Variants in POLQ observed in about 807,000 individuals in gnomAD.
POLQ encodes the protein epididymis secretory sperm binding protein.
POLQ carries 233 observed loss-of-function variants against 259.2 expected under a neutral mutation model. The ratio of observed to expected loss-of-function variants is 0.90; its 90% CI spans 0.81 to 1.00. POLQ has a LOEUF of 1.00. POLQ is among the 50% of genes least tolerant of loss of function. POLQ has a pLI of 0.00. For missense variants in POLQ, 2,871 were observed against 3,051.6 expected, an observed-to-expected ratio of 0.94 and a Z score of 1.39; for synonymous variants, 1,025 against 1,048.8, an observed-to-expected ratio of 0.98 and a Z score of 0.44.
At chr3:121,452,509 A>G (rs1196612238) in intron 25 of POLQ, among the ~76,000 whole-genome samples, 4 of 125,764 alleles carry the variant, frequency 3.2e-5, no homozygotes, top group African/African-American at 1.2e-4. Flanking sequence ...TTTTTTTTTA[A>G]CTCATGTTGC....
intron 12 of POLQ, among the ~76,000 whole-genome samples, chr3:121,499,202 T>C (rs1326378486): frequency 5.3e-5 from 8 of 151,926 alleles, no homozygotes; most frequent in Admixed American, 5.2e-4. Context: ...TCACAAACAA[T>C]GCACTGCCAG....
At chr3:121,450,645 T>C (rs1455638636) in intron 25 of POLQ, among the ~76,000 whole-genome samples, 12 of 152,162 alleles carry the variant, frequency 7.9e-5, no homozygotes, top group Non-Finnish European at 1.3e-4. Flanking sequence ...GTAGGCTTTC[T>C]GCAGAGAGAA....
rs763034025 is a variant in POLQ, at chr3:121,473,461, G to T, written c.6432C>A (p.Pro2144=). 36 of 1,612,560 alleles carry T rather than the reference G, an allele frequency of 2.2e-5. No homozygotes were observed. The highest frequency in any genetic ancestry group is 3.0e-5 in the Non-Finnish European group (35 of 1,179,432). The change falls in exon 21 of 30, where the codon CCC becomes CCA. Residue 2144 remains proline, a synonymous_variant. Coordinates refer to ENST00000264233, the MANE Select transcript of POLQ (RefSeq NM_199420.4). ...AEVLFLELKL[P]PNREMKNQGS... is the part of the protein sequence containing the mutation. The stretch of plus-strand genomic sequence containing the variant: ...CTTGGTTTTTCATCTCTCTATTTGG[G>T]GGCAACTTCAATTCCAAAAATAAAA...
chr3:121,493,207 C>A (rs1023926237), intron 15 of POLQ, among the ~76,000 whole-genome samples: 1 of 151,636 alleles, frequency 6.6e-6, no homozygotes, highest in African/African-American at 2.4e-5. Context: ...GAGGCTGAGG[C>A]AGGAGAATCG....
intron 8 of POLQ, among the ~76,000 whole-genome samples, chr3:121,521,146 A>G (rs577522133): frequency 1.3e-4 from 20 of 152,336 alleles, no homozygotes; most frequent in African/African-American, 4.6e-4. Context: ...AGTCAAAAAT[A>G]TAAAGAGGAA....
intron 14 of POLQ, among the ~76,000 whole-genome samples, chr3:121,495,262 A>T (rs1304332920): frequency 6.6e-6 from 1 of 151,278 alleles, no homozygotes; most frequent in Non-Finnish European, 1.5e-5. Flanking sequence ...CAAGAGAGAA[A>T]CTCCATCTCA....
At position 121,545,840 on chromosome 3, in the gene POLQ, G is replaced by A. The variant is rs770795644; in HGVS notation, c.38C>T (p.Ser13Leu). ...CGAGAACGAATCTGAGCCTGATTCT[G>A]AACGCCGCCGTTTCCCACTCCGACG... ...LLRRSGKRRRSESGSDSFSGS... is the reference protein window; with the variant it reads ...LLRRSGKRRRLESGSDSFSGS... The change falls in exon 1 of 30, where the codon TCA (serine) becomes TTA (leucine). Residue 13 changes from serine to leucine, a missense_variant. Ser to Leu is a moderately radical substitution (Grantham distance 145, BLOSUM62 -2). Coordinates refer to ENST00000264233, the MANE Select transcript of POLQ (RefSeq NM_199420.4). 1.9e-6 allele frequency: 3 copies of A among 1,613,832 alleles called. No homozygotes were observed. The African/African-American group carries it at 4.0e-5, about 22-fold the overall frequency.
At chr3:121,541,536 A>G in intron 2 of POLQ, 57 bp from the exon 3 acceptor site, 1 of 1,474,572 alleles carries the variant, frequency 6.8e-7, no homozygotes, top group African/African-American at 1.4e-5. Context: ...GGTACAATTC[A>G]TTAATAAATG....
intron 7 of POLQ, among the ~76,000 whole-genome samples, chr3:121,524,208 CTA>C (rs2048356978): frequency 6.6e-6 from 1 of 152,080 alleles, no homozygotes; most frequent in Non-Finnish European, 1.5e-5. Context: ...AGGAAATAAG[CTA>C]ACCCGGTGTA....
chr3:121,454,389 C>T (rs1420336877), intron 25 of POLQ, among the ~76,000 whole-genome samples: 36 of 152,182 alleles, frequency 2.4e-4, no homozygotes, highest in Non-Finnish European at 4.6e-4. Context: ...ACAATATTAA[C>T]TTTAAATGTA....
chr3:121,438,833 T>A (rs763205891), intron 27 of POLQ, among the ~76,000 whole-genome samples: 1 of 152,182 alleles, frequency 6.6e-6, no homozygotes, highest in Non-Finnish European at 1.5e-5. Flanking sequence ...CTGATAAATA[T>A]CTGATATTTG....
intron 22 of POLQ, among the ~76,000 whole-genome samples, chr3:121,470,372 T>G (rs1468217730): frequency 1.3e-5 from 2 of 152,176 alleles, no homozygotes; most frequent in Non-Finnish European, 2.9e-5. Context: ...AAAGTGAAAT[T>G]TAAATACCAA....
chr3:121,493,532 C>T lies in POLQ; in HGVS notation c.2468G>A (p.Arg823Lys), dbSNP rs2048088620. 2 of 1,613,876 alleles carry T rather than the reference C, an allele frequency of 1.2e-6. No homozygotes were observed. The highest frequency in any genetic ancestry group is 1.7e-6 in the Non-Finnish European group (2 of 1,179,848). Residue 823 changes from arginine to lysine, a missense_variant, in exon 15 of 30, where the codon AGA (arginine) becomes AAA (lysine). Arg to Lys is a conservative substitution (Grantham distance 26). Transcript: ENST00000264233. ...CACCTCCACCTCCACAATATTTGCT[C>T]TAGCAAGGTCTGCCACAGTATGAAA... ...SGFHTVADLA[R>K]ANIVEVEVIL...
intron 20 of POLQ, 124 bp from the exon 21 acceptor site, chr3:121,473,611 G>T: frequency 1.1e-6 from 1 of 891,270 alleles, no homozygotes; most frequent in Non-Finnish European, 1.7e-6. Flanking sequence ...TAATGTTTCT[G>T]TGGATAATTT....
chr3:121,495,453 A>T (rs1244799707), intron 14 of POLQ, among the ~76,000 whole-genome samples: 3 of 152,308 alleles, frequency 2.0e-5, no homozygotes, highest in Admixed American at 6.5e-5. Context: ...GCCATGTCAT[A>T]AAGACATTTG....
Position 121,485,261 on chromosome 3 carries a change from T to TA in POLQ, c.5630-78dup, listed in dbSNP as rs1176137184. On this transcript the variant is annotated intron_variant, in intron 16 of 29. Coordinates refer to ENST00000264233, the MANE Select transcript of POLQ (RefSeq NM_199420.4). ...ACATAAATTGTTAAAACAATTATAA[T>TA]AAAAAACCTATCTTTGATAGGCAAA... 9.8e-6 allele frequency: 10 copies of TA among 1,016,920 alleles called. No homozygotes were observed. The South Asian group carries it at 1.6e-4, about 16-fold the overall frequency. 63.0% of individuals were successfully genotyped at this position (1,016,920 alleles called of 1,614,324 possible).
chr3:121,490,828 C>T (rs1007628337), intron 15 of POLQ, among the ~76,000 whole-genome samples: 39 of 151,824 alleles, frequency 2.6e-4, no homozygotes, highest in African/African-American at 7.7e-4. Flanking sequence ...CCAAGGAAGG[C>T]GAATCACTTG....
At chr3:121,530,072 A>G (rs2048400222) in intron 6 of POLQ, among the ~76,000 whole-genome samples, 2 of 152,230 alleles carry the variant, frequency 1.3e-5, no homozygotes, top group African/African-American at 4.8e-5. Context: ...GAAAGTCAAG[A>G]TCCTAATAGT....
Position 121,488,909 on chromosome 3 carries a change from T to C in POLQ, c.4022A>G (p.Lys1341Arg). ...IIQQMATENA[K>R]LGAKDTNLAA... Reference sequence around the variant, plus strand: ...CAGGTTGGTGTCCTTTGCTCCTAGTTTGGCATTTTCAGTTGCCATCTGTTG... The same window carrying C: ...CAGGTTGGTGTCCTTTGCTCCTAGTCTGGCATTTTCAGTTGCCATCTGTTG... Residue 1341 changes from lysine to arginine, a missense_variant, in exon 16 of 30, where the codon AAA (lysine) becomes AGA (arginine). Physicochemically the swap from Lys to Arg is conservative, Grantham distance 26. Coordinates refer to ENST00000264233, the MANE Select transcript of POLQ (RefSeq NM_199420.4). The C allele has an allele frequency of 6.2e-7, 1 of 1,614,190 alleles. No individual in the cohort carries two copies. The highest frequency in any genetic ancestry group is 8.5e-7 in the Non-Finnish European group (1 of 1,180,006).
Sources: gnomAD v4.1 joint callset for allele counts (sites outside exome capture counted in the v4.1 genomes callset) on GRCh38, gnomAD v4.1.1 for gene constraint, MANE v1.5 for transcripts, NCBI Gene and HGNC (gene_info 2026-07-23, HGNC 2026-07-21) for gene names.